The following CDH8 variants were observed in gnomAD, a reference collection of about 807,000 sequenced individuals.
CDH8 encodes the protein cadherin-8.
In CDH8, 17 loss-of-function variants were observed where a neutral mutation model predicts 68.1. The ratio of observed to expected loss-of-function variants is 0.25; its 90% confidence interval spans 0.17 to 0.37. The LOEUF (loss-of-function observed/expected upper bound fraction) is 0.37, where lower values mean the gene tolerates loss of function less well. CDH8 is among the 10% of genes least tolerant of loss of function. The pLI is 1.00. For missense variants in CDH8, 763 were observed against 999.3 expected (o/e 0.76, Z 3.19); for synonymous variants, 372 against 365.1 (o/e 1.02, Z -0.21).
intron 2 of CDH8, among the ~76,000 whole-genome samples, chr16:62,019,199 C>A (rs1301800662): frequency 6.6e-6 from 1 of 152,122 alleles, no homozygotes; most frequent in Non-Finnish European, 1.5e-5. Context: ...TTCTGAATAT[C>A]CAGAAGTAGG....
chr16:61,692,936 G>C (rs1964258777), intron 10 of CDH8: 1 of 152,098 alleles, frequency 6.6e-6, no homozygotes, highest in South Asian at 2.1e-4. Context: ...CTGAGTCATA[G>C]AGTAGCAAAA....
At chr16:61,659,330 C>T (rs1963510650) in intron 10 of CDH8, among the ~76,000 whole-genome samples, 1 of 152,190 alleles carries the variant, frequency 6.6e-6, no homozygotes, top group African/African-American at 2.4e-5. Flanking sequence ...CACTCCCATC[C>T]TTCCTTGTCT....
intron 2 of CDH8, among the ~76,000 whole-genome samples, chr16:61,907,970 G>A (rs893595876): frequency 6.7e-6 from 1 of 150,208 alleles, no homozygotes; most frequent in African/African-American, 2.5e-5. Context: ...GTGAACCCTG[G>A]AGGTGGAGCT....
At position 61,652,169 on chromosome 16, in the gene CDH8, A is replaced by C; in HGVS notation, c.*1439T>G. 1 of 982,640 alleles carries C rather than the reference A, an allele frequency of 1.0e-6. No homozygotes were observed. The highest frequency in any genetic ancestry group is 1.2e-6 in the Non-Finnish European group (1 of 827,412). The allele number at this position is 982,640 out of a possible 1,614,324, so 60.9% of individuals were successfully genotyped here. Reference sequence around the variant, plus strand: ...TTTTATCATACATTTTCTACTCCTAAATGGCAGGTTTGCATTACAAATTAA... The same window carrying C: ...TTTTATCATACATTTTCTACTCCTACATGGCAGGTTTGCATTACAAATTAA... On this transcript the variant is annotated 3_prime_UTR_variant, in exon 12 of 12. Coordinates refer to ENST00000577390, the MANE Select transcript of CDH8 (RefSeq NM_001796.5).
At chr16:61,887,417 C>T (rs929407412) in intron 3 of CDH8, among the ~76,000 whole-genome samples, 7 of 152,266 alleles carry the variant, frequency 4.6e-5, no homozygotes, top group South Asian at 2.1e-4. Flanking sequence ...TTTATTTTCT[C>T]ACAGTTCTGA....
chr16:61,836,686 T>C (rs1962576609), intron 4 of CDH8, among the ~76,000 whole-genome samples: 6 of 152,032 alleles, frequency 3.9e-5, no homozygotes, highest in Admixed American at 3.3e-4. Flanking sequence ...CCATCGAACA[T>C]AGACTGACGA....
rs143973697 is a variant in CDH8 at position 61,717,848 on chromosome 16, C to T, written c.1537-3890G>A. 1.5e-4 allele frequency among the ~76,000 whole-genome samples: 22 copies of T among 151,516 alleles called. No individual in the cohort carries two copies. The East Asian group carries it at 4.1e-3, about 28-fold the overall frequency. On this transcript the variant is annotated intron_variant, in intron 9 of 11. Transcript: ENST00000577390. ...AATAATAAATAAGCGATGGCAGGTACATTTTTGCATCATCATTTATCCTCA... is the reference window on the plus strand; with the variant it reads ...AATAATAAATAAGCGATGGCAGGTATATTTTTGCATCATCATTTATCCTCA...
chr16:61,729,887 T>A (rs1189333772), intron 8 of CDH8, among the ~76,000 whole-genome samples: 1 of 151,452 alleles, frequency 6.6e-6, no homozygotes, highest in Non-Finnish European at 1.5e-5. Context: ...AAAAAATTGC[T>A]AATTTTACAG....
chr16:62,003,649 C>T (rs534221369), intron 2 of CDH8, among the ~76,000 whole-genome samples: 159 of 152,236 alleles, frequency 1.0e-3, no homozygotes, highest in Non-Finnish European at 2.6e-4. Flanking sequence ...CTGTGTCTCA[C>T]GTCACTGTTG....
At chr16:61,758,257 C>T (rs1960372606) in intron 8 of CDH8, among the ~76,000 whole-genome samples, 1 of 151,924 alleles carries the variant, frequency 6.6e-6, no homozygotes, top group East Asian at 1.9e-4. Flanking sequence ...AGAAAATGCC[C>T]CTAGTGAATT....
chr16:61,964,099 C>T (rs1015626405), intron 2 of CDH8, among the ~76,000 whole-genome samples: 1 of 152,058 alleles, frequency 6.6e-6, no homozygotes, highest in African/African-American at 2.4e-5. Context: ...ATATCATAGG[C>T]CAATAGATAT....
chr16:61,795,976 C>G (rs1278150963), intron 7 of CDH8, among the ~76,000 whole-genome samples: 1 of 151,992 alleles, frequency 6.6e-6, no homozygotes, highest in Admixed American at 6.6e-5. Context: ...ATTTGCCTGA[C>G]CTTTGCTCTT....
At chr16:61,680,079 T>TAAACTTAAGCATGTGAGGA in intron 10 of CDH8, among the ~76,000 whole-genome samples, 1 of 152,102 alleles carries the variant, frequency 6.6e-6, no homozygotes, top group East Asian at 1.9e-4. Context: ...ATGTGAGGTT[T>TAAACTTAAGCATGTGAGGA]CTAATAATAG....
rs1240563096 is a variant in CDH8, at chr16:61,739,727, C to CA, written c.1415-12513dup. Among the ~76,000 whole-genome samples, 240 of 93,094 alleles carry CA rather than the reference C, an allele frequency of 2.6e-3. 1 individual carries two copies. The highest frequency in any genetic ancestry group is 4.5e-3 in the Admixed American group (36 of 7,966). The allele number at this position is 93,094 out of a possible 152,430, so 61.1% of individuals were successfully genotyped here. A position where few individuals can be genotyped will look rare whatever the true frequency, so the allele number is the denominator to read the frequency against. On this transcript the variant is annotated intron_variant, in intron 8 of 11. Transcript: ENST00000577390. The stretch of plus-strand genomic sequence containing the variant: ...TGGGCAACAGAGCGAGACTCTGCCT[C>CA]AAAAAAAAAAAGAAAAGAAAAGAAA...
chr16:62,035,479 C>T (rs977818565), intron 1 of CDH8, among the ~76,000 whole-genome samples: 1 of 152,146 alleles, frequency 6.6e-6, no homozygotes, highest in African/African-American at 2.4e-5. Context: ...GGCACCGCAC[C>T]TCCCAGAGCT....
intron 2 of CDH8, among the ~76,000 whole-genome samples, chr16:61,960,025 C>CAA (rs1360011859): frequency 4.8e-5 from 1 of 20,630 alleles, no homozygotes; most frequent in Admixed American, 4.9e-4. Flanking sequence ...TACACACATA[C>CAA]ACACACACAC....
chr16:62,010,355 A>G (rs1409838758), intron 2 of CDH8, among the ~76,000 whole-genome samples: 3 of 152,146 alleles, frequency 2.0e-5, no homozygotes, highest in Non-Finnish European at 2.9e-5. Context: ...CCTACCACAT[A>G]AGGTTCAAAT....
intron 8 of CDH8, among the ~76,000 whole-genome samples, chr16:61,755,986 A>G (rs913956683): frequency 7.2e-5 from 11 of 151,908 alleles, no homozygotes; most frequent in Non-Finnish European, 1.2e-4. Context: ...ACGCCTGGCT[A>G]ATGTTTGTAA....
chr16:61,865,781 A>G (rs1053091920), intron 3 of CDH8, among the ~76,000 whole-genome samples: 3 of 152,208 alleles, frequency 2.0e-5, no homozygotes, highest in Non-Finnish European at 2.9e-5. Flanking sequence ...CTAATTTGTT[A>G]CCTATGGAAT....
Sources: gnomAD v4.1 joint callset for allele counts (sites outside exome capture counted in the v4.1 genomes callset) on GRCh38, gnomAD v4.1.1 for gene constraint, MANE v1.5 for transcripts, NCBI Gene and HGNC (gene_info 2026-07-23, HGNC 2026-07-21) for gene names.